The following RP1 variants were observed in gnomAD, a reference collection of about 807,000 sequenced individuals.
RP1 encodes RP1 axonemal microtubule associated.
A neutral mutation model predicts 14.8 loss-of-function variants in RP1; 16 were observed. The observed-to-expected ratio is 1.08, with a 90% CI of 0.73 to 1.65. The LOEUF (loss-of-function observed/expected upper bound fraction) is 1.65. Ranked by LOEUF, RP1 falls within the 40% of genes most tolerant of loss-of-function variation. The probability of loss-of-function intolerance (pLI) is 0.00; values close to 1 mark genes in which losing one functional copy is unlikely to be tolerated. For missense variants in RP1, 2,631 were observed against 2,535.0 expected (o/e 1.04, Z -0.81); for synonymous variants, 876 against 883.6 (o/e 0.99, Z 0.15).
chr8:54,722,139 G>T (rs1331694181), intron 16 of RP1, among the ~76,000 whole-genome samples: 1 of 150,878 alleles, frequency 6.6e-6, no homozygotes, highest in African/African-American at 2.4e-5. Flanking sequence ...GCTACTGGGA[G>T]AAGAATCACT....
chr8:54,869,911 C>G (rs918669243), exon 29 of RP1: 21 of 1,231,624 alleles, frequency 1.7e-5, no homozygotes, highest in Non-Finnish European at 1.8e-5. Context: ...AGTCCCAGTG[C>G]AGTAGGAGAG....
intron 12 of RP1, among the ~76,000 whole-genome samples, chr8:54,685,848 C>G (rs950967187): frequency 2.6e-5 from 4 of 152,128 alleles, no homozygotes; most frequent in African/African-American, 9.7e-5. Context: ...ATCTTCTATC[C>G]TTACTTCTCG....
intron 27 of RP1, among the ~76,000 whole-genome samples, chr8:54,859,059 T>A (rs1052861780): frequency 2.0e-5 from 3 of 151,954 alleles, no homozygotes; most frequent in Admixed American, 1.3e-4. Context: ...ATAGAGCAGC[T>A]CACTGCAGAG....
chr8:54,819,937 G>C (rs538678253), intron 24 of RP1, among the ~76,000 whole-genome samples: 1 of 152,150 alleles, frequency 6.6e-6, no homozygotes, highest in East Asian at 1.9e-4. Context: ...TGGGTCTCAC[G>C]CAAGATCCGC....
intron 1 of RP1, among the ~76,000 whole-genome samples, chr8:54,610,627 T>C (rs439658): frequency 0.46 from 69,378 of 152,016 alleles, 17,548 homozygotes; most frequent in African/African-American, 0.66. Flanking sequence ...CCTCTCCATC[T>C]GAATAATTAG....
intron 28 of RP1, among the ~76,000 whole-genome samples, chr8:54,867,171 T>C (rs1812476902): frequency 6.6e-6 from 1 of 152,186 alleles, no homozygotes; most frequent in Admixed American, 6.6e-5. Context: ...TATGCAGAGA[T>C]GCACATTGGT....
At chr8:54,658,991 A>T (rs1374025120) in intron 6 of RP1, among the ~76,000 whole-genome samples, 6 of 151,430 alleles carry the variant, frequency 4.0e-5, no homozygotes, top group Admixed American at 3.3e-4. Flanking sequence ...GAATTTTTGT[A>T]GGCTTGTAGG....
At chr8:54,805,363 T>C (rs1300871418) in intron 24 of RP1, among the ~76,000 whole-genome samples, 5 of 152,206 alleles carry the variant, frequency 3.3e-5, no homozygotes, top group Non-Finnish European at 4.4e-5. Flanking sequence ...TTAACATTCT[T>C]CACCAAGTTT....
exon 4 of RP1, chr8:54,649,105 C>A (rs922042420): frequency 1.3e-6 from 2 of 1,520,608 alleles, no homozygotes; most frequent in Admixed American, 2.1e-5. Flanking sequence ...CTTTATGGAA[C>A]AGATGGGGCT....
intron 19 of RP1, among the ~76,000 whole-genome samples, chr8:54,739,627 A>AT (rs900618804): frequency 2.5e-4 from 38 of 150,568 alleles, no homozygotes; most frequent in African/African-American, 8.1e-4. Flanking sequence ...TCGGTGGTGC[A>AT]TTTTTTTTTC....
At chr8:54,644,486 C>A (rs1369235326) in intron 3 of RP1, among the ~76,000 whole-genome samples, 1 of 152,202 alleles carries the variant, frequency 6.6e-6, no homozygotes. Flanking sequence ...GACACAAGGA[C>A]ACAAGGGTTC....
At chr8:54,611,845 T>C (rs996226195), upstream of RP1, among the ~76,000 whole-genome samples, 2 of 151,792 alleles carry the variant, frequency 1.3e-5, no homozygotes, top group Admixed American at 1.3e-4. Flanking sequence ...CCCCTCCCCA[T>C]GGTTTGTTGT....
chr8:54,741,160 T>A (rs902171292), intron 19 of RP1, among the ~76,000 whole-genome samples: 1 of 152,208 alleles, frequency 6.6e-6, no homozygotes, highest in Non-Finnish European at 1.5e-5. Context: ...TTTAAAAAAT[T>A]AAATGTTTAA....
At chr8:54,787,152 ATAGAGTTCAGCTCTATGGTTGCACC>A (rs1241335418) in intron 24 of RP1, among the ~76,000 whole-genome samples, 1 of 152,148 alleles carries the variant, frequency 6.6e-6, no homozygotes, top group Non-Finnish European at 1.5e-5. Context: ...TCTATAGACT[ATAGAGTTCAGCTCTATGGTTGCACC>A]TAGAATGTCA....
At chr8:54,846,890 C>T (rs796515632) in intron 25 of RP1, among the ~76,000 whole-genome samples, 13 of 152,272 alleles carry the variant, frequency 8.5e-5, no homozygotes, top group African/African-American at 3.1e-4. Flanking sequence ...CACATCACAC[C>T]ACAGCTCTGG....
At position 54,621,151 on chromosome 8, in the gene RP1, C is replaced by T; in HGVS notation, c.185C>T (p.Ser62Phe). 1 of 1,614,148 alleles carries T rather than the reference C, an allele frequency of 6.2e-7. No individual in the cohort carries two copies. The highest frequency in any genetic ancestry group is 1.6e-4 in the Middle Eastern group (1 of 6,062). ...RVVVNPRSFKSFDALLDNLSR... is the reference protein window; with the variant it reads ...RVVVNPRSFKFFDALLDNLSR... ...GTGGTCAACCCTCGCTCCTTTAAGT[C>T]CTTTGATGCTCTGCTGGATAACTTG... The change falls in exon 2 of 4, where the codon TCC (serine) becomes TTC (phenylalanine). Residue 62 changes from serine to phenylalanine, a missense_variant. Ser to Phe is a radical substitution (Grantham distance 155). Transcript: ENST00000220676.
At chr8:54,792,106 TAAG>T (rs1190536133) in intron 24 of RP1, among the ~76,000 whole-genome samples, 2 of 151,924 alleles carry the variant, frequency 1.3e-5, no homozygotes, top group Non-Finnish European at 2.9e-5. Flanking sequence ...CACAAGAGAC[TAAG>T]AAGATTATTA....
intron 26 of RP1, among the ~76,000 whole-genome samples, chr8:54,853,299 C>A (rs560382251): frequency 6.6e-6 from 1 of 152,232 alleles, no homozygotes; most frequent in South Asian, 2.1e-4. Context: ...ACAGGTCCTG[C>A]AGCTCGTCAT....
chr8:54,666,064 GCCAGTCC>G (rs1451158207), intron 7 of RP1, among the ~76,000 whole-genome samples: 1 of 152,050 alleles, frequency 6.6e-6, no homozygotes, highest in Non-Finnish European at 1.5e-5. Context: ...TGGTTTAGAG[GCCAGTCC>G]CTCAGGTAGA....
Sources: gnomAD v4.1 joint callset for allele counts (sites outside exome capture counted in the v4.1 genomes callset) on GRCh38, gnomAD v4.1.1 for gene constraint, MANE v1.5 for transcripts, NCBI Gene and HGNC (gene_info 2026-07-23, HGNC 2026-07-21) for gene names.